SLC22A14: variants seen among roughly 807,000 people sequenced by gnomAD.
SLC22A14 encodes the protein solute carrier family 22 member 14.
In SLC22A14, 50 loss-of-function variants were observed where a neutral mutation model predicts 53.9. The ratio of observed to expected loss-of-function variants is 0.93; its 90% confidence interval spans 0.74 to 1.17. The LOEUF (loss-of-function observed/expected upper bound fraction) is 1.17. SLC22A14 is among the 50% of genes most tolerant of loss of function. The pLI is 0.00. For synonymous variants in SLC22A14, 312 were observed against 303.0 expected (o/e 1.03, Z -0.31); for missense variants, 671 against 734.7 (o/e 0.91, Z 1.00).
chr3:38,296,195 A>AATAG (rs1384547835), intron 1 of SLC22A14, among the ~76,000 whole-genome samples: 2 of 152,236 alleles, frequency 1.3e-5, no homozygotes, highest in African/African-American at 4.8e-5. Context: ...GCGGCTGTTG[A>AATAG]ATAGAGACTT....
chr3:38,308,432 C>T (rs1377358981), intron 4 of SLC22A14, among the ~76,000 whole-genome samples: 1 of 152,224 alleles, frequency 6.6e-6, no homozygotes, highest in Admixed American at 6.5e-5. Context: ...GGCCACACGG[C>T]AACTAAGTGA....
At chr3:38,287,230 A>G (rs1703814252) in intron 1 of SLC22A14, among the ~76,000 whole-genome samples, 1 of 152,302 alleles carries the variant, frequency 6.6e-6, no homozygotes, top group South Asian at 2.1e-4. Flanking sequence ...GGCAAGTTTA[A>G]TATTGCTATA....
chr3:38,303,838 A>G (rs1041885444), intron 1 of SLC22A14: 4 of 152,032 alleles, frequency 2.6e-5, no homozygotes, highest in Non-Finnish European at 1.5e-5. Context: ...AATCTTCTCT[A>G]TATCGTTCCA....
At chr3:38,313,284 C>T in intron 6 of SLC22A14, 104 bp from the exon 7 acceptor site, 1 of 1,387,670 alleles carries the variant, frequency 7.2e-7, no homozygotes, top group Non-Finnish European at 1.0e-6. Context: ...AGGCCAGAAG[C>T]CAGCTGGCAC....
chr3:38,302,290 TTATA>T (rs1262971694), intron 1 of SLC22A14, among the ~76,000 whole-genome samples: 1 of 145,350 alleles, frequency 6.9e-6, no homozygotes, highest in Non-Finnish European at 1.5e-5. Context: ...ACATATATAT[TTATA>T]TATACACATA....
Position 38,313,721 on chromosome 3 carries a change from A to G in SLC22A14, c.1164-6A>G. On this transcript the variant is annotated splice_polypyrimidine_tract_variant and splice_region_variant and intron_variant, in intron 7 of 10. Coordinates refer to ENST00000448498, the MANE Select transcript of SLC22A14 (RefSeq NM_001320033.2). ...GCACGCGCACTTGCCTCCTGGCTTC[A>G]TCCAGGTTTACCGTCAGTTACACCT... is the stretch of plus-strand genomic sequence containing the variant. 8 of 1,545,752 alleles carry G rather than the reference A, an allele frequency of 5.2e-6. No homozygotes were observed. The highest frequency in any genetic ancestry group is 7.0e-6 in the Non-Finnish European group (8 of 1,141,268).
chr3:38,313,977 C>G, intron 8 of SLC22A14, 36 bp downstream of exon 8: 1 of 1,566,044 alleles, frequency 6.4e-7, no homozygotes, highest in South Asian at 1.1e-5. Flanking sequence ...CTGCCCACAG[C>G]CTTCCTGCTT....
At chr3:38,295,480 G>A (rs1212196578) in intron 1 of SLC22A14, among the ~76,000 whole-genome samples, 1 of 152,132 alleles carries the variant, frequency 6.6e-6, no homozygotes, top group Non-Finnish European at 1.5e-5. Flanking sequence ...ATTTTTGATA[G>A]GAAGGCTATG....
intron 4 of SLC22A14, among the ~76,000 whole-genome samples, chr3:38,308,645 G>A (rs1260388186): frequency 6.6e-6 from 1 of 152,238 alleles, no homozygotes; most frequent in Non-Finnish European, 1.5e-5. Flanking sequence ...GTCAGGCCAC[G>A]TGTCTGGTAT....
chr3:38,315,721 C>T lies in SLC22A14; in HGVS notation c.1532+10C>T. On this transcript the variant is annotated intron_variant, in intron 9 of 10. Coordinates refer to ENST00000448498, the MANE Select transcript of SLC22A14 (RefSeq NM_001320033.2). ...TCCCCACTGTGCTCAGGTATGGGGT[C>T]TGGTGGGCGAGGGGGCCATGGGGAC... 6.2e-7 allele frequency: 1 copy of T among 1,610,120 alleles called. No individual in the cohort carries two copies. Among genetic ancestry groups the T allele is most frequent in the Non-Finnish European group, 8.5e-7 (1 of 1,177,650 alleles).
chr3:38,296,914 G>A (rs1016922663), intron 1 of SLC22A14, among the ~76,000 whole-genome samples: 5 of 152,230 alleles, frequency 3.3e-5, no homozygotes, highest in Admixed American at 6.5e-5. Context: ...GAAGTCAGCG[G>A]TGGGTCTGTG....
chr3:38,281,166 G>A (rs1433661972), upstream of SLC22A14, among the ~76,000 whole-genome samples: 1 of 152,210 alleles, frequency 6.6e-6, no homozygotes, highest in Non-Finnish European at 1.5e-5. Flanking sequence ...GGAAGGATCT[G>A]ATGCCCCAGA....
In SLC22A14 at chr3:38,306,073, C is replaced by A; in HGVS notation, c.47C>A (p.Ala16Asp). Residue 16 changes from alanine (A) to aspartate (D), a missense_variant, in exon 2 of 11, where the codon GCT becomes GAT. Transcript: ENST00000448498. ...NFKEELRSQD[A>D]SRNLNQHEVA... ...AAGGAAGAGCTCAGATCCCAGGATG[C>A]TTCCAGGAACTTGAACCAGCATGAG... 6.2e-7 allele frequency: 1 copy of A among 1,613,948 alleles called. No individual in the cohort carries two copies. Among genetic ancestry groups the A allele is most frequent in the Non-Finnish European group, 8.5e-7 (1 of 1,179,888 alleles).
chr3:38,290,054 C>CT (rs1370843396), intron 1 of SLC22A14, among the ~76,000 whole-genome samples: 1 of 152,186 alleles, frequency 6.6e-6, no homozygotes, highest in Non-Finnish European at 1.5e-5. Flanking sequence ...GCTCTCCTTA[C>CT]TATCTGATTA....
At chr3:38,293,901 G>A (rs73062884) in intron 1 of SLC22A14, among the ~76,000 whole-genome samples, 2,916 of 152,258 alleles carry the variant, frequency 0.019, 42 homozygotes, top group Non-Finnish European at 0.028. Context: ...CTCATTTGGG[G>A]TTAATGTCGG....
chr3:38,299,551 T>C (rs1183393795), intron 1 of SLC22A14, among the ~76,000 whole-genome samples: 1 of 152,228 alleles, frequency 6.6e-6, no homozygotes. Context: ...CTCATTCTTT[T>C]TTACAGCTGC....
intron 10 of SLC22A14, 92 bp downstream of exon 10, chr3:38,316,616 C>T: frequency 2.6e-6 from 3 of 1,152,710 alleles, no homozygotes; most frequent in Non-Finnish European, 3.7e-6. Flanking sequence ...CCATCCCCGC[C>T]CCTCTGCCGG....
At chr3:38,286,853 T>C (rs1703805350) in intron 1 of SLC22A14, among the ~76,000 whole-genome samples, 1 of 151,974 alleles carries the variant, frequency 6.6e-6, no homozygotes, top group Non-Finnish European at 1.5e-5. Flanking sequence ...TACCACAGCC[T>C]CCCGAGTAGC....
At chr3:38,313,669 C>T in intron 7 of SLC22A14, 58 bp from the exon 8 acceptor site, 1 of 283,294 alleles carries the variant, frequency 3.5e-6, no homozygotes, top group South Asian at 5.9e-5. Flanking sequence ...TGTCTTTATT[C>T]CTGGCTCCGT....
Sources: gnomAD v4.1 joint callset for allele counts (sites outside exome capture counted in the v4.1 genomes callset) on GRCh38, gnomAD v4.1.1 for gene constraint, MANE v1.5 for transcripts, NCBI Gene and HGNC (gene_info 2026-07-23, HGNC 2026-07-21) for gene names.